ZNF766: variants seen among roughly 807,000 people sequenced by gnomAD.
ZNF766 encodes the protein zinc finger protein 766.
Under a neutral mutation model 13.2 loss-of-function variants are expected in ZNF766, and 13 were observed. The ratio of observed to expected loss-of-function variants is 0.98; its 90% CI spans 0.64 to 1.56. The LOEUF is 1.56. Among genes scored for constraint, ZNF766 ranks in the 40% most tolerant of loss-of-function variants. The probability of loss-of-function intolerance (pLI) is 0.00; values close to 1 mark genes in which losing one functional copy is unlikely to be tolerated. For missense variants in ZNF766, 521 were observed against 552.2 expected, an observed-to-expected ratio of 0.94 and a Z score of 0.57; for synonymous variants, 178 against 187.6, an observed-to-expected ratio of 0.95 and a Z score of 0.42.
Position 52,290,520 on chromosome 19 carries a change from C to A in ZNF766, c.729C>A (p.Tyr243Ter). The stretch of plus-strand genomic sequence containing the variant: ...GAATTCGTACAGGAGAGAAACCTTA[C>A]AAATGTAAAGAGTGTGGCAAGCTCT... ...HWRIRTGEKPYKCKECGKLFN... is the reference protein window; with the variant it reads ...HWRIRTGEKP Residue 243 changes from tyrosine to a stop codon, truncating the protein, a stop_gained, in exon 4 of 4, where the codon TAC (tyrosine) becomes TAA (stop). Transcript: ENST00000439461. LOFTEE classifies it low-confidence loss of function (END_TRUNC). 6.2e-7 allele frequency: 1 copy of A among 1,614,128 alleles called. No individual in the cohort carries two copies. Among genetic ancestry groups the A allele is most frequent in the Non-Finnish European group, 8.5e-7 (1 of 1,180,016 alleles).
rs963193176 is a variant in ZNF766 at position 52,292,407 on chromosome 19, C to A, written c.*1209C>A. 4 of 504,146 alleles carry A rather than the reference C, an allele frequency of 7.9e-6. No homozygotes were observed. The highest frequency in any genetic ancestry group is 7.8e-5 in the African/African-American group (4 of 51,362). 31.2% of individuals were successfully genotyped at this position (504,146 alleles called of 1,614,324 possible). On this transcript the variant is annotated 3_prime_UTR_variant, in exon 4 of 4. Transcript: ENST00000439461. ...CTACAAATGACCATGAAATAGAGCACGCCATGACTTTAGGACACAGGGATT... is the reference window on the plus strand; with the variant it reads ...CTACAAATGACCATGAAATAGAGCAAGCCATGACTTTAGGACACAGGGATT...
chr19:52,290,456 A>G lies in ZNF766; in HGVS notation c.665A>G (p.Lys222Arg), dbSNP rs759851548. Residue 222 changes from lysine (K) to arginine (R), a missense_variant, in exon 4 of 4, where the codon AAA (lysine) becomes AGA (arginine). Coordinates refer to ENST00000439461, the MANE Select transcript of ZNF766 (RefSeq NM_001010851.3). ...DKPNRCHECG[K>R]TVRDKSGLAE... Reference sequence around the variant, plus strand: ...CCTAACAGATGTCATGAATGTGGTAAAACCGTCAGGGACAAGTCAGGCCTC... The same window carrying G: ...CCTAACAGATGTCATGAATGTGGTAGAACCGTCAGGGACAAGTCAGGCCTC... The G allele has an allele frequency of 1.9e-6, 3 of 1,613,954 alleles. No individual in the cohort carries two copies. Among genetic ancestry groups the G allele is most frequent in the Admixed American group, 3.3e-5 (2 of 60,030 alleles).
chr19:52,290,600 C>T lies in ZNF766; in HGVS notation c.809C>T (p.Pro270Leu), dbSNP rs1982085472. 5.0e-6 allele frequency: 8 copies of T among 1,614,038 alleles called. No homozygotes were observed. Among genetic ancestry groups the T allele is most frequent in the Non-Finnish European group, 6.8e-6 (8 of 1,179,994 alleles). ...GAGAAAGTGCATACTGGAGAGAGTC[C>T]TTACAAATGTAATGAGTGTGGCAAG... ...RHEKVHTGES[P>L]YKCNECGKVF... Residue 270 changes from proline (P) to leucine (L), a missense_variant, in exon 4 of 4, where the codon CCT becomes CTT. Transcript: ENST00000439461.
intron 1 of ZNF766, among the ~76,000 whole-genome samples, chr19:52,278,857 G>A (rs994908359): frequency 6.6e-6 from 1 of 152,188 alleles, no homozygotes; most frequent in Admixed American, 6.5e-5. Flanking sequence ...TTCTTTTGCT[G>A]TGCAGAAGCT....
rs113154584 is a variant in ZNF766 at position 52,289,729 on chromosome 19, G to A, written c.275-337G>A. 7.5e-3 allele frequency among the ~76,000 whole-genome samples: 1,136 copies of A among 152,176 alleles called. 13 individuals carry two copies. The highest frequency in any genetic ancestry group is 0.024 in the African/African-American group (992 of 41,520). ...TCTATACATGCCAGAGTCCGGGCGCGGTGGCTCACACCTATAATCCCAGCA... is the reference window on the plus strand; with the variant it reads ...TCTATACATGCCAGAGTCCGGGCGCAGTGGCTCACACCTATAATCCCAGCA... On this transcript the variant is annotated intron_variant, in intron 3 of 3. Coordinates refer to ENST00000439461, the MANE Select transcript of ZNF766 (RefSeq NM_001010851.3).
chr19:52,287,182 G>A (rs999359202), intron 3 of ZNF766, among the ~76,000 whole-genome samples: 8 of 149,172 alleles, frequency 5.4e-5, no homozygotes, highest in Non-Finnish European at 1.0e-4. Flanking sequence ...TCGCCCGGTC[G>A]CCCAGGCTGG....
intron 3 of ZNF766, among the ~76,000 whole-genome samples, chr19:52,286,355 A>C (rs8100167): frequency 0.086 from 11,992 of 139,798 alleles, 1,093 homozygotes; most frequent in African/African-American, 0.24. Flanking sequence ...GGAGTGTCTC[A>C]TGCTGTCCTG....
chr19:52,290,278 A>C lies in ZNF766; in HGVS notation c.487A>C (p.Lys163Gln). The change falls in exon 4 of 4, where the codon AAA becomes CAA. Residue 163 changes from lysine (K) to glutamine (Q), a missense_variant. Lys to Gln is a moderately conservative substitution (Grantham distance 53). Coordinates refer to ENST00000439461, the MANE Select transcript of ZNF766 (RefSeq NM_001010851.3). ...TGGGGTCAAAACCCACATATTTAAT[A>C]AACATAGGAATGATTTTGTTGATTT... ...YSGVKTHIFN[K>Q]HRNDFVDFPL... 6.2e-7 allele frequency: 1 copy of C among 1,613,568 alleles called. No individual in the cohort carries two copies. Among genetic ancestry groups the C allele is most frequent in the Non-Finnish European group, 8.5e-7 (1 of 1,179,674 alleles).
In ZNF766 at chr19:52,290,587, A is replaced by C. The variant is rs772342873; in HGVS notation, c.796A>C (p.Thr266Pro). Residue 266 changes from threonine to proline, a missense_variant, in exon 4 of 4, where the codon ACT becomes CCT. By Grantham distance (38) the Thr-to-Pro change is conservative (BLOSUM62 -1). Coordinates refer to ENST00000439461, the MANE Select transcript of ZNF766 (RefSeq NM_001010851.3). ...AYLARHEKVH[T>P]GESPYKCNEC... is the part of the protein sequence containing the mutation. ...CCTTGCACGACACGAGAAAGTGCAT[A>C]CTGGAGAGAGTCCTTACAAATGTAA... 8 of 1,614,162 alleles carry C rather than the reference A, an allele frequency of 5.0e-6. No homozygotes were observed. The highest frequency in any genetic ancestry group is 1.1e-5 in the South Asian group (1 of 91,086).
chr19:52,280,309 A>G (rs960573136), intron 1 of ZNF766, among the ~76,000 whole-genome samples: 2 of 152,116 alleles, frequency 1.3e-5, no homozygotes, highest in Admixed American at 6.6e-5. Flanking sequence ...GTACTGTGCT[A>G]TGATTACTCA....
At chr19:52,283,447 CTT>C (rs527871489) in intron 3 of ZNF766, 34 bp downstream of exon 3, 12,637 of 1,315,628 alleles carry the variant, frequency 9.6e-3, no homozygotes, top group East Asian at 0.022. Context: ...GAAAGCCACA[CTT>C]TTTTTTTTTT....
chr19:52,294,229 A>G lies in ZNF766; in HGVS notation c.*3031A>G, dbSNP rs1461622763. 1 of 152,166 alleles carries G rather than the reference A, an allele frequency of 6.6e-6. No homozygotes were observed. Among genetic ancestry groups the G allele is most frequent in the Non-Finnish European group, 1.5e-5 (1 of 68,038 alleles). The allele number at this position is 152,166 out of a possible 1,614,324, so 9.4% of individuals were successfully genotyped here. On this transcript the variant is annotated 3_prime_UTR_variant, in exon 4 of 4. Transcript: ENST00000439461. Reference sequence around the variant, plus strand: ...CAGTGACATAATTTGAAAAAATATTAATGTTCAGAAATGTTCTCTTGAGGA... The same window carrying G: ...CAGTGACATAATTTGAAAAAATATTGATGTTCAGAAATGTTCTCTTGAGGA...
intron 1 of ZNF766, among the ~76,000 whole-genome samples, chr19:52,270,745 AAG>A (rs1246138881): frequency 4.6e-5 from 7 of 152,106 alleles, no homozygotes; most frequent in Non-Finnish European, 8.8e-5. Context: ...ATTGGAGAGA[AAG>A]AGCAACAAGA....
chr19:52,295,718 A>G lies in ZNF766; in HGVS notation c.*4520A>G, dbSNP rs963158762. Reference sequence around the variant, plus strand: ...CCCTTTATCTTTATTTTATTTATTTATTTTATTATTTATTTTTTTGAGATG... The same window carrying G: ...CCCTTTATCTTTATTTTATTTATTTGTTTTATTATTTATTTTTTTGAGATG... On this transcript the variant is annotated 3_prime_UTR_variant, in exon 4 of 4. Transcript: ENST00000439461. 4.6e-5 allele frequency: 7 copies of G among 151,908 alleles called. No individual in the cohort carries two copies. The highest frequency in any genetic ancestry group is 1.7e-4 in the African/African-American group (7 of 41,364). 9.4% of individuals were successfully genotyped at this position (151,908 alleles called of 1,614,324 possible).
chr19:52,276,925 C>T (rs1432297786), intron 1 of ZNF766, among the ~76,000 whole-genome samples: 1 of 152,136 alleles, frequency 6.6e-6, no homozygotes, highest in East Asian at 1.9e-4. Flanking sequence ...CTCCCCACTG[C>T]TGCAGTGTGT....
chr19:52,282,731 C>T (rs1227062879), intron 2 of ZNF766, among the ~76,000 whole-genome samples: 1 of 152,166 alleles, frequency 6.6e-6, no homozygotes, highest in Non-Finnish European at 1.5e-5. Flanking sequence ...CTGTATCCTT[C>T]ATGATACACC....
At chr19:52,289,377 C>T (rs1019111667) in intron 3 of ZNF766, among the ~76,000 whole-genome samples, 6 of 151,794 alleles carry the variant, frequency 4.0e-5, no homozygotes, top group Admixed American at 2.0e-4. Context: ...GTCTCGAACT[C>T]CTGACCTCAA....
chr19:52,289,925 T>C (rs528060925), intron 3 of ZNF766, 141 bp from the exon 4 acceptor site: 64 of 773,496 alleles, frequency 8.3e-5, no homozygotes, highest in South Asian at 7.5e-4. Context: ...GGCGGGAACC[T>C]GGGAGGCGGA....
chr19:52,285,592 C>T (rs1981776423), intron 3 of ZNF766, among the ~76,000 whole-genome samples: 1 of 152,204 alleles, frequency 6.6e-6, no homozygotes, highest in African/African-American at 2.4e-5. Context: ...GTGGAGCTTC[C>T]AAGCCCTCCC....
Sources: allele counts gnomAD v4.1 joint callset (sites outside exome capture counted in the v4.1 genomes callset), GRCh38; gene constraint gnomAD v4.1.1; transcripts MANE v1.5; gene names NCBI Gene and HGNC (gene_info 2026-07-23, HGNC 2026-07-21).